Variants in PKP1 observed in about 807,000 individuals in gnomAD.
PKP1 encodes the protein plakophilin 1, also known as plakophilin-1.
A neutral mutation model predicts 76.4 loss-of-function variants in PKP1; 27 were observed. The ratio of observed to expected loss-of-function variants is 0.35; its 90% CI spans 0.26 to 0.49. PKP1 has a LOEUF of 0.49. Among genes scored for constraint, PKP1 ranks in the 20% least tolerant of loss-of-function variants. PKP1 has a pLI of 0.99. For missense variants in PKP1, 964 were observed against 955.2 expected (o/e 1.01, Z -0.12); for synonymous variants, 404 against 384.2 (o/e 1.05, Z -0.60).
intron 2 of PKP1, among the ~76,000 whole-genome samples, chr1:201,312,706 G>A (rs1656596943): frequency 6.6e-6 from 1 of 152,164 alleles, no homozygotes; most frequent in South Asian, 2.1e-4. Flanking sequence ...GTGTCTGTGG[G>A]GTGAGACTAG....
Position 201,323,184 on chromosome 1 carries a change from G to C in PKP1, c.1675G>C (p.Gly559Arg), listed in dbSNP as rs200486077. The change falls in exon 9 of 14, where the codon GGG becomes CGG. Residue 559 changes from glycine (G) to arginine (R), a missense_variant. Transcript: ENST00000367324. ...CCTGCAGAACCTGACAGCCAGCAAG[G>C]GGCTGGTGAGTGGGACTGTACCTTC... is the stretch of plus-strand genomic sequence containing the variant. ...GALQNLTASK[G>R]LMSSGMSQLI... The C allele has an allele frequency of 6.2e-7, 1 of 1,613,726 alleles. No individual in the cohort carries two copies. Among genetic ancestry groups the C allele is most frequent in the Non-Finnish European group, 8.5e-7 (1 of 1,179,936 alleles).
intron 2 of PKP1, among the ~76,000 whole-genome samples, chr1:201,298,813 G>A (rs1558184824): frequency 1.3e-5 from 2 of 152,150 alleles, no homozygotes; most frequent in African/African-American, 2.4e-5. Flanking sequence ...TGTATTTGAC[G>A]ATCCCATTGT....
chr1:201,286,273 C>T (rs1655735471), intron 1 of PKP1, among the ~76,000 whole-genome samples: 1 of 152,132 alleles, frequency 6.6e-6, no homozygotes, highest in Non-Finnish European at 1.5e-5. Context: ...TTAGTCTCTT[C>T]CAAGAGCAGA....
At chr1:201,285,108 A>G (rs549803385) in intron 1 of PKP1, among the ~76,000 whole-genome samples, 15 of 152,148 alleles carry the variant, frequency 9.9e-5, no homozygotes, top group Non-Finnish European at 2.1e-4. Flanking sequence ...ACCCATTACC[A>G]AACAGTACAG....
intron 2 of PKP1, among the ~76,000 whole-genome samples, chr1:201,301,441 C>G (rs1656227585): frequency 6.6e-6 from 1 of 152,186 alleles, no homozygotes; most frequent in Admixed American, 6.5e-5. Context: ...CATTTCCATT[C>G]ATGTTGTGTA....
At chr1:201,323,713 C>T (rs2102184600) in intron 9 of PKP1, among the ~76,000 whole-genome samples, 1 of 152,244 alleles carries the variant, frequency 6.6e-6, no homozygotes. Flanking sequence ...GCCAGGCGGC[C>T]AACTGTTCTT....
At chr1:201,309,384 A>G (rs1362948402) in intron 2 of PKP1, among the ~76,000 whole-genome samples, 2 of 151,858 alleles carry the variant, frequency 1.3e-5, no homozygotes, top group Non-Finnish European at 2.9e-5. Context: ...GGGCTGTGGG[A>G]CCCCTCAAAA....
chr1:201,303,119 A>G (rs1047066573), intron 2 of PKP1, among the ~76,000 whole-genome samples: 16 of 152,242 alleles, frequency 1.1e-4, no homozygotes, highest in African/African-American at 3.9e-4. Context: ...TTGCAAAATC[A>G]TACCAACTAT....
At chr1:201,306,018 A>C (rs1258859289) in intron 2 of PKP1, among the ~76,000 whole-genome samples, 2 of 152,052 alleles carry the variant, frequency 1.3e-5, no homozygotes, top group Non-Finnish European at 2.9e-5. Flanking sequence ...GTCCTCCACC[A>C]CTCGGGCTGT....
In PKP1 at chr1:201,300,321, C is replaced by T. The variant is rs141191529; in HGVS notation, c.306+6276C>T. ...CTGAAGGAGAAGCCTATGGCAAACA[C>T]TGGTGTCTGGGTACTCCTTGGGAGG... On this transcript the variant is annotated intron_variant, in intron 2 of 13. Coordinates refer to ENST00000367324, the MANE Select transcript of PKP1 (RefSeq NM_001005337.3). Among the ~76,000 whole-genome samples the T allele has an allele frequency of 5.0e-3, 764 of 152,368 alleles. 7 individuals carry two copies. Among genetic ancestry groups the T allele is most frequent in the African/African-American group, 0.017 (710 of 41,590 alleles).
chr1:201,326,197 G>T (rs1657122809), intron 12 of PKP1, among the ~76,000 whole-genome samples: 1 of 152,232 alleles, frequency 6.6e-6, no homozygotes, highest in African/African-American at 2.4e-5. Context: ...TGTGGGCTAG[G>T]TTACAAAACC....
At chr1:201,301,068 C>T (rs1169772749) in intron 2 of PKP1, among the ~76,000 whole-genome samples, 1 of 152,216 alleles carries the variant, frequency 6.6e-6, no homozygotes, top group East Asian at 1.9e-4. Context: ...CACAACAATG[C>T]TCCTCAGGGC....
intron 4 of PKP1, 101 bp from the exon 5 acceptor site, chr1:201,317,471 T>A: frequency 1.1e-6 from 1 of 923,688 alleles, no homozygotes; most frequent in Non-Finnish European, 1.7e-6. Flanking sequence ...TCTGAACTGA[T>A]AGATTTTTTG....
At chr1:201,283,965 C>T (rs907351079) in intron 1 of PKP1, 61 bp downstream of exon 1, 7 of 1,484,976 alleles carry the variant, frequency 4.7e-6, no homozygotes, top group Middle Eastern at 3.5e-4. Flanking sequence ...GGCCCAGTGG[C>T]GGGGACCAAG....
At chr1:201,298,056 A>G (rs1571543849) in intron 2 of PKP1, among the ~76,000 whole-genome samples, 1 of 146,650 alleles carries the variant, frequency 6.8e-6, no homozygotes, top group East Asian at 1.9e-4. Context: ...CTCTGTCACT[A>G]TGTCTCCCCA....
At chr1:201,287,405 G>A (rs7517345) in intron 1 of PKP1, among the ~76,000 whole-genome samples, 26,251 of 152,194 alleles carry the variant, frequency 0.17, 3,955 homozygotes, top group African/African-American at 0.41. Flanking sequence ...GTCTCAGCAT[G>A]AGCTTCTGCC....
chr1:201,305,624 C>T (rs1373472834), intron 2 of PKP1, among the ~76,000 whole-genome samples: 4 of 152,208 alleles, frequency 2.6e-5, no homozygotes, highest in Non-Finnish European at 5.9e-5. Context: ...GATGCTGCCA[C>T]CTCCCAGCCT....
intron 2 of PKP1, among the ~76,000 whole-genome samples, chr1:201,305,086 T>G (rs1015553693): frequency 6.6e-6 from 1 of 152,184 alleles, no homozygotes; most frequent in African/African-American, 2.4e-5. Context: ...GTGTCCCACG[T>G]GGGCAGGTGG....
chr1:201,301,368 G>A (rs1656224129), intron 2 of PKP1, among the ~76,000 whole-genome samples: 2 of 152,216 alleles, frequency 1.3e-5, no homozygotes, highest in African/African-American at 2.4e-5. Flanking sequence ...ACTCTCCCCA[G>A]AGACAACAGA....
Sources: gnomAD v4.1 joint callset for allele counts (sites outside exome capture counted in the v4.1 genomes callset) on GRCh38, gnomAD v4.1.1 for gene constraint, MANE v1.5 for transcripts, NCBI Gene and HGNC (gene_info 2026-07-23, HGNC 2026-07-21) for gene names.